Variants in MYLK observed in about 807,000 individuals in gnomAD.
MYLK encodes the protein myosin light chain kinase, smooth muscle.
In MYLK, 106 loss-of-function variants were observed where a neutral mutation model predicts 203.4. The observed-to-expected ratio is 0.52, with a 90% CI of 0.45 to 0.61. The LOEUF is 0.61. Among genes scored for constraint, MYLK ranks in the 20% least tolerant of loss-of-function variants. MYLK has a pLI of 0.00. For missense variants in MYLK, 2,072 were observed against 2,442.3 expected (o/e 0.85, Z 3.20); for synonymous variants, 867 against 959.5 (o/e 0.90, Z 1.78).
At chr3:123,824,518 T>G (rs2066047548) in intron 3 of MYLK, among the ~76,000 whole-genome samples, 1 of 152,222 alleles carries the variant, frequency 6.6e-6, no homozygotes, top group South Asian at 2.1e-4. Flanking sequence ...ATGAAAGTCA[T>G]GCCTGGTAGA....
At chr3:123,831,478 T>C (rs2066326653) in intron 3 of MYLK, 70 bp downstream of exon 3, 3 of 1,269,288 alleles carry the variant, frequency 2.4e-6, no homozygotes, top group Non-Finnish European at 3.1e-6. Context: ...ACAGCTCCCC[T>C]CTCTGCAGCC....
intron 2 of MYLK, among the ~76,000 whole-genome samples, chr3:123,865,937 C>T (rs1191054869): frequency 2.0e-5 from 3 of 152,172 alleles, no homozygotes; most frequent in Non-Finnish European, 4.4e-5. Flanking sequence ...AGCCACCATG[C>T]TGTGAGGAAG....
chr3:123,852,934 C>A (rs2030983593), intron 2 of MYLK, among the ~76,000 whole-genome samples: 4 of 152,046 alleles, frequency 2.6e-5, no homozygotes. Context: ...ATTTGACAAC[C>A]TTTGAGTAAA....
chr3:123,774,463 T>C (rs796847360), intron 4 of MYLK, among the ~76,000 whole-genome samples: 13 of 152,016 alleles, frequency 8.6e-5, no homozygotes, highest in African/African-American at 3.1e-4. Context: ...CGCTGTAAGG[T>C]CAGTGTTACC....
chr3:123,880,136 G>C (rs745380086), intron 1 of MYLK, among the ~76,000 whole-genome samples: 1 of 151,820 alleles, frequency 6.6e-6, no homozygotes, highest in Non-Finnish European at 1.5e-5. Flanking sequence ...TTTTATAACC[G>C]CCCTCATTGT....
At chr3:123,636,676 G>A (rs2058655937) in intron 29 of MYLK, among the ~76,000 whole-genome samples, 1 of 152,230 alleles carries the variant, frequency 6.6e-6, no homozygotes, top group East Asian at 1.9e-4. Context: ...AGGGAGCCAG[G>A]GAGTCAAGCT....
At chr3:123,740,501 A>T (rs1253470783) in intron 5 of MYLK, among the ~76,000 whole-genome samples, 1 of 152,276 alleles carries the variant, frequency 6.6e-6, no homozygotes, top group Non-Finnish European at 1.5e-5. Context: ...TCAACACTCC[A>T]TTCTTCCACT....
chr3:123,756,437 T>C (rs914572795), intron 4 of MYLK, among the ~76,000 whole-genome samples: 1 of 152,174 alleles, frequency 6.6e-6, no homozygotes, highest in Non-Finnish European at 1.5e-5. Context: ...GAGGCTAGTA[T>C]GCAAGCCAAG....
Position 123,618,653 on chromosome 3 carries a change from T to G in MYLK, c.5486A>C (p.Asp1829Ala). 1 of 1,614,076 alleles carries G rather than the reference T, an allele frequency of 6.2e-7. No individual in the cohort carries two copies. The highest frequency in any genetic ancestry group is 1.1e-5 in the South Asian group (1 of 91,082). Residue 1829 changes from aspartate to alanine, a missense_variant, in exon 33 of 34, where the codon GAC becomes GCC. Asp to Ala is a moderately radical substitution (Grantham distance 126). Transcript: ENST00000360304. ...CTACAACTTACCTTCAATCTTGCAG[T>G]CAAATCTAGCAGCACTTCCCTCCAC... ...EVVEGSAARF[D>A]CKIEGYPDPE...
intron 4 of MYLK, among the ~76,000 whole-genome samples, chr3:123,783,294 T>C (rs1163465484): frequency 6.6e-6 from 1 of 152,172 alleles, no homozygotes; most frequent in Non-Finnish European, 1.5e-5. Flanking sequence ...CAATAATCAG[T>C]ACTTCCAACA....
rs562863389 is a variant in MYLK at position 123,698,205 on chromosome 3, C to T, written c.3448+1815G>A. On this transcript the variant is annotated intron_variant, in intron 18 of 33. Coordinates refer to ENST00000360304, the MANE Select transcript of MYLK (RefSeq NM_053025.4). ...AGCCACAGACCTCCCAACGCCAAAC[C>T]TGCTGAGACCCTGAAGCCCATGGGC... 5.4e-4 allele frequency among the ~76,000 whole-genome samples: 82 copies of T among 152,326 alleles called. No individual in the cohort carries two copies. In the South Asian group the frequency reaches 0.011, roughly 21 times the overall value.
At chr3:123,815,296 T>C (rs1019566248) in intron 3 of MYLK, among the ~76,000 whole-genome samples, 1 of 152,186 alleles carries the variant, frequency 6.6e-6, no homozygotes, top group African/African-American at 2.4e-5. Flanking sequence ...CTTCTTGATC[T>C]GGTGCCAGAA....
At chr3:123,734,328 A>T in intron 9 of MYLK, 106 bp from the exon 10 acceptor site, 1 of 1,193,424 alleles carries the variant, frequency 8.4e-7, no homozygotes, top group African/African-American at 1.5e-5. Context: ...GATTCCAGGG[A>T]TCACAAAAGC....
At position 123,708,680 on chromosome 3, in the gene MYLK, T is replaced by A. The variant is rs754430926; in HGVS notation, c.2140+18A>T. 1.2e-6 allele frequency: 2 copies of A among 1,613,536 alleles called. No individual in the cohort carries two copies. Among genetic ancestry groups the A allele is most frequent in the Non-Finnish European group, 1.7e-6 (2 of 1,179,774 alleles). On this transcript the variant is annotated intron_variant, in intron 15 of 33. Coordinates refer to ENST00000360304, the MANE Select transcript of MYLK (RefSeq NM_053025.4). ...AGCAGCATCTCCTTCCCACTCGCTC[T>A]GAGTGGGTCAGCCTCACCTTGTACC...
At chr3:123,737,248 T>G in intron 8 of MYLK, 130 bp downstream of exon 8, 21 of 1,032,852 alleles carry the variant, frequency 2.0e-5, no homozygotes, top group Non-Finnish European at 2.8e-5. Flanking sequence ...GACCTGCCCC[T>G]GGGGAGTGCC....
rs1381611720 is a variant in MYLK at position 123,701,501 on chromosome 3, A to G, written c.2399T>C (p.Val800Ala). 1.2e-6 allele frequency: 2 copies of G among 1,613,774 alleles called. No individual in the cohort carries two copies. The highest frequency in any genetic ancestry group is 1.7e-6 in the Non-Finnish European group (2 of 1,180,004). ...TGACACCTGGCAACTGCATTCGCCA[A>G]CCCGGTTCCTGAAGAATTCCAAAGA... The part of the protein sequence containing the change: ...GQYEILLKNR[V>A]GECSCQVSLM... The change falls in exon 17 of 34, where the codon GTT (valine) becomes GCT (alanine). Residue 800 changes from valine to alanine, a missense_variant. Physicochemically the swap from Val to Ala is moderately conservative, Grantham distance 64. Transcript: ENST00000360304.
At chr3:123,875,580 T>A (rs1256737014) in intron 2 of MYLK, among the ~76,000 whole-genome samples, 1 of 152,206 alleles carries the variant, frequency 6.6e-6, no homozygotes, top group Non-Finnish European at 1.5e-5. Flanking sequence ...AATTCAGAAC[T>A]GAACTTCCTC....
At chr3:123,707,726 G>A in intron 16 of MYLK, 28 bp downstream of exon 16, 1 of 1,613,960 alleles carries the variant, frequency 6.2e-7, no homozygotes, top group Non-Finnish European at 8.5e-7. Context: ...GAAGGGTTAA[G>A]GGAGGCTGGC....
At chr3:123,823,744 T>A (rs1025236153) in intron 3 of MYLK, among the ~76,000 whole-genome samples, 9 of 152,056 alleles carry the variant, frequency 5.9e-5, no homozygotes, top group Non-Finnish European at 7.4e-5. Flanking sequence ...CCCAAACCCC[T>A]TACCATGGCC....
Sources: gnomAD v4.1 joint callset for allele counts (sites outside exome capture counted in the v4.1 genomes callset) on GRCh38, gnomAD v4.1.1 for gene constraint, MANE v1.5 for transcripts, NCBI Gene and HGNC (gene_info 2026-07-23, HGNC 2026-07-21) for gene names.